Variants in ATP9A observed in about 807,000 individuals in gnomAD.
ATP9A encodes the protein ATPase phospholipid transporting 9A.
In ATP9A, 52 loss-of-function variants were observed where a neutral mutation model predicts 144.1. The observed-to-expected ratio is 0.36, with a 90% confidence interval of 0.29 to 0.45. ATP9A has a LOEUF of 0.45. Among genes scored for constraint, ATP9A ranks in the 20% least tolerant of loss-of-function variants. The pLI is 1.00. For synonymous variants in ATP9A, 582 were observed against 557.4 expected (o/e 1.04, Z -0.62); for missense variants, 947 against 1,392.7 (o/e 0.68, Z 5.09).
chr20:51,623,396 G>A (rs978044858), intron 18 of ATP9A, among the ~76,000 whole-genome samples: 4 of 152,126 alleles, frequency 2.6e-5, no homozygotes, highest in Admixed American at 2.0e-4. Flanking sequence ...CTCCAGTCCC[G>A]GCTCTGCTGC....
At chr20:51,701,537 A>G (rs1417851115) in intron 4 of ATP9A, among the ~76,000 whole-genome samples, 2 of 151,974 alleles carry the variant, frequency 1.3e-5, no homozygotes, top group East Asian at 3.9e-4. Flanking sequence ...CTCAACAAAA[A>G]CCCCTTTAAT....
chr20:51,692,472 C>G (rs2077552547), intron 7 of ATP9A, among the ~76,000 whole-genome samples: 1 of 152,104 alleles, frequency 6.6e-6, no homozygotes, highest in Admixed American at 6.6e-5. Flanking sequence ...TAGCAGCCAC[C>G]ATCACGTGAA....
intron 2 of ATP9A, among the ~76,000 whole-genome samples, chr20:51,726,511 C>T (rs62226702): frequency 0.068 from 10,279 of 151,884 alleles, 795 homozygotes; most frequent in African/African-American, 0.19. Context: ...TAGTTACTTC[C>T]TGGGGAAGGG....
In ATP9A at chr20:51,760,984, C is replaced by T. The variant is rs369559868; in HGVS notation, c.68+7318G>A. On this transcript the variant is annotated intron_variant, in intron 1 of 27. Coordinates refer to ENST00000338821, the MANE Select transcript of ATP9A (RefSeq NM_006045.3). ...CAGAGGTTGCAGTGAGCCGAGACTGCGCCACTGCACTCCAGCCTGAGTGAG... is the reference window on the plus strand; with the variant it reads ...CAGAGGTTGCAGTGAGCCGAGACTGTGCCACTGCACTCCAGCCTGAGTGAG... Among the ~76,000 whole-genome samples the T allele has an allele frequency of 1.4e-4, 21 of 151,994 alleles. 3 individuals carry two copies. The highest frequency in any genetic ancestry group is 2.0e-4 in the Admixed American group (3 of 15,244).
At chr20:51,623,110 C>T (rs1043235603) in intron 18 of ATP9A, among the ~76,000 whole-genome samples, 17 of 152,196 alleles carry the variant, frequency 1.1e-4, no homozygotes, top group African/African-American at 4.1e-4. Flanking sequence ...AGAAGGAAGG[C>T]ACCGGGCACC....
At chr20:51,613,887 C>T in intron 22 of ATP9A, 55 bp from the exon 23 acceptor site, 1 of 1,494,530 alleles carries the variant, frequency 6.7e-7, no homozygotes, top group Non-Finnish European at 9.0e-7. Flanking sequence ...AGGGCAAACA[C>T]ATTTTCTTTC....
intron 13 of ATP9A, among the ~76,000 whole-genome samples, chr20:51,657,818 G>T (rs538089924): frequency 1.3e-5 from 2 of 152,278 alleles, no homozygotes; most frequent in Non-Finnish European, 2.9e-5. Context: ...TGGCCGGATG[G>T]GACTCACTGC....
At chr20:51,767,848 G>A (rs1178558091) in intron 1 of ATP9A, among the ~76,000 whole-genome samples, 1 of 152,208 alleles carries the variant, frequency 6.6e-6, no homozygotes, top group Non-Finnish European at 1.5e-5. Flanking sequence ...CGTAGGCCGC[G>A]CCCCCCTAAA....
chr20:51,615,091 G>C (rs1240362758), intron 22 of ATP9A, among the ~76,000 whole-genome samples: 1 of 144,026 alleles, frequency 6.9e-6, no homozygotes, highest in Non-Finnish European at 1.5e-5. Flanking sequence ...GGGTGCCTGG[G>C]GGGGCGGGGC....
intron 1 of ATP9A, chr20:51,734,668 G>A (rs2077756086): frequency 6.5e-6 from 1 of 153,978 alleles, no homozygotes; most frequent in South Asian, 1.9e-4. Flanking sequence ...AAGAAAGAAA[G>A]GAAGAAATCC....
chr20:51,610,733 G>A (rs1202183523), intron 23 of ATP9A, among the ~76,000 whole-genome samples: 9 of 152,200 alleles, frequency 5.9e-5, no homozygotes, highest in African/African-American at 2.2e-4. Flanking sequence ...CCAAAGTGCC[G>A]TAGGTATGGA....
chr20:51,600,203 A>C lies in ATP9A; in HGVS notation c.*1008T>G, dbSNP rs1436544854. Reference sequence around the variant, plus strand: ...CTCTGCCTTTGTGGGGTCATCTTCCATTATGCCTCCTAACAGGAAACAGGC... The same window carrying C: ...CTCTGCCTTTGTGGGGTCATCTTCCCTTATGCCTCCTAACAGGAAACAGGC... On this transcript the variant is annotated 3_prime_UTR_variant, in exon 28 of 28. Coordinates refer to ENST00000338821, the MANE Select transcript of ATP9A (RefSeq NM_006045.3). 2 of 152,198 alleles carry C rather than the reference A, an allele frequency of 1.3e-5. No individual in the cohort carries two copies. Among genetic ancestry groups the C allele is most frequent in the African/African-American group, 2.4e-5 (1 of 41,448 alleles). 9.4% of individuals were successfully genotyped at this position (152,198 alleles called of 1,614,324 possible). A position where few individuals can be genotyped will look rare whatever the true frequency, so the allele number is the denominator to read the frequency against.
intron 3 of ATP9A, among the ~76,000 whole-genome samples, chr20:51,725,510 C>T (rs1356892846): frequency 6.6e-6 from 1 of 152,198 alleles, no homozygotes; most frequent in Non-Finnish European, 1.5e-5. Flanking sequence ...TCTCATTTAC[C>T]TCTGTGTTCC....
At chr20:51,632,379 G>C (rs2077273495) in intron 15 of ATP9A, among the ~76,000 whole-genome samples, 2 of 152,186 alleles carry the variant, frequency 1.3e-5, no homozygotes, top group African/African-American at 4.8e-5. Flanking sequence ...CCAAGCCTAG[G>C]AGAAGTTTTA....
At chr20:51,734,933 T>A (rs1437307063) in intron 1 of ATP9A, 1 of 211,696 alleles carries the variant, frequency 4.7e-6, no homozygotes, top group Non-Finnish European at 1.0e-5. Context: ...CGCATGCTCA[T>A]GCCCGCACTG....
intron 4 of ATP9A, among the ~76,000 whole-genome samples, chr20:51,704,355 T>G (rs2077606503): frequency 6.6e-6 from 1 of 150,640 alleles, no homozygotes; most frequent in Non-Finnish European, 1.5e-5. Context: ...ACAGTGCAAT[T>G]TGCAAGTTTG....
chr20:51,607,711 C>T (rs2077169152), intron 25 of ATP9A, 127 bp from the exon 26 acceptor site: 3 of 708,424 alleles, frequency 4.2e-6, no homozygotes, highest in South Asian at 3.3e-5. Context: ...AATAAAGTGG[C>T]TCGCACACAT....
intron 4 of ATP9A, among the ~76,000 whole-genome samples, chr20:51,701,008 A>C (rs1356373779): frequency 6.6e-6 from 1 of 152,204 alleles, no homozygotes; most frequent in Non-Finnish European, 1.5e-5. Flanking sequence ...ACTTGAAGGA[A>C]GACCGTAAAT....
At chr20:51,713,555 C>T (rs995812620) in intron 3 of ATP9A, among the ~76,000 whole-genome samples, 3 of 152,088 alleles carry the variant, frequency 2.0e-5, no homozygotes, top group Non-Finnish European at 4.4e-5. Context: ...AGTAATCTTG[C>T]CCAAAGACAT....
Sources: gnomAD v4.1 joint callset for allele counts (sites outside exome capture counted in the v4.1 genomes callset) on GRCh38, gnomAD v4.1.1 for gene constraint, MANE v1.5 for transcripts, NCBI Gene and HGNC (gene_info 2026-07-23, HGNC 2026-07-21) for gene names.